The following CCSER2 variants were observed in gnomAD, a reference collection of about 807,000 sequenced individuals.
The protein encoded by CCSER2 is serine-rich coiled-coil domain-containing protein 2.
CCSER2 carries 46 observed loss-of-function variants against 92.3 expected under a neutral mutation model. The ratio of observed to expected loss-of-function variants is 0.50; its 90% confidence interval spans 0.39 to 0.64. The LOEUF is 0.64. Ranked by LOEUF, CCSER2 falls within the 30% of genes least tolerant of loss-of-function variation. The pLI, the probability that CCSER2 is intolerant of heterozygous loss-of-function variation, is 0.00. For missense variants in CCSER2, 1,244 were observed against 1,238.9 expected, an observed-to-expected ratio of 1.00 and a Z score of -0.06; for synonymous variants, 433 against 431.4, an observed-to-expected ratio of 1.00 and a Z score of -0.04.
intron 6 of CCSER2, among the ~76,000 whole-genome samples, chr10:84,451,508 T>C (rs780699431): frequency 6.6e-6 from 1 of 152,148 alleles, no homozygotes; most frequent in Non-Finnish European, 1.5e-5. Flanking sequence ...GAAAACTTAG[T>C]TTCTTATACT....
intron 1 of CCSER2, among the ~76,000 whole-genome samples, chr10:84,360,745 C>A (rs543322896): frequency 2.6e-5 from 4 of 152,266 alleles, no homozygotes; most frequent in African/African-American, 7.2e-5. Context: ...TTTCCTAAGG[C>A]CTTACCTTTG....
At chr10:84,487,775 A>G (rs1006081659) in intron 9 of CCSER2, among the ~76,000 whole-genome samples, 13 of 152,108 alleles carry the variant, frequency 8.5e-5, no homozygotes, top group African/African-American at 2.9e-4. Flanking sequence ...TTCCAACACT[A>G]TGTTGAATAG....
intron 1 of CCSER2, among the ~76,000 whole-genome samples, chr10:84,333,640 A>C (rs1305792929): frequency 2.6e-5 from 4 of 152,242 alleles, no homozygotes; most frequent in Non-Finnish European, 5.9e-5. Context: ...CAATGTGGCT[A>C]TATATTGAAT....
chr10:84,469,269 C>T (rs1338761945), intron 7 of CCSER2, among the ~76,000 whole-genome samples: 1 of 152,126 alleles, frequency 6.6e-6, no homozygotes, highest in Non-Finnish European at 1.5e-5. Context: ...ATGTATCTTT[C>T]ATGATCTGCA....
intron 1 of CCSER2, among the ~76,000 whole-genome samples, chr10:84,348,256 G>T (rs549577362): frequency 1.3e-5 from 2 of 152,214 alleles, no homozygotes; most frequent in East Asian, 3.9e-4. Context: ...CTGGAGACCC[G>T]CCCGGCCAAC....
At chr10:84,437,479 G>T (rs994354142) in intron 5 of CCSER2, among the ~76,000 whole-genome samples, 2 of 151,140 alleles carry the variant, frequency 1.3e-5, no homozygotes, top group African/African-American at 4.9e-5. Context: ...GTACCATTGC[G>T]CTCCAGCCTG....
At chr10:84,375,863 C>CTTT (rs532459199) in intron 3 of CCSER2, among the ~76,000 whole-genome samples, 1 of 135,068 alleles carries the variant, frequency 7.4e-6, no homozygotes. Context: ...GTTTCTTTTT[C>CTTT]TTTTTTTTTT....
intron 9 of CCSER2, among the ~76,000 whole-genome samples, chr10:84,509,466 A>G (rs1463361405): frequency 2.0e-5 from 3 of 152,196 alleles, no homozygotes; most frequent in South Asian, 4.1e-4. Flanking sequence ...GACATTTACA[A>G]TTATCATTAA....
chr10:84,349,081 A>G (rs1022232949), intron 1 of CCSER2, among the ~76,000 whole-genome samples: 2 of 152,078 alleles, frequency 1.3e-5, no homozygotes, highest in African/African-American at 4.8e-5. Context: ...AGTCACCTTT[A>G]TAGTATTTCT....
chr10:84,441,314 A>G (rs192126254), intron 6 of CCSER2, among the ~76,000 whole-genome samples: 1 of 152,150 alleles, frequency 6.6e-6, no homozygotes, highest in Non-Finnish European at 1.5e-5. Flanking sequence ...TATCTTGGCA[A>G]TCATATTTTC....
At chr10:84,477,763 C>A in intron 9 of CCSER2, 99 bp downstream of exon 9, 3 of 663,796 alleles carry the variant, frequency 4.5e-6, no homozygotes, top group South Asian at 4.2e-5. Flanking sequence ...TTGAATCTGT[C>A]ATGGCTGTTA....
intron 9 of CCSER2, among the ~76,000 whole-genome samples, chr10:84,489,649 G>A (rs574144150): frequency 1.3e-4 from 20 of 152,150 alleles, no homozygotes; most frequent in South Asian, 2.1e-4. Context: ...ACATGAGATC[G>A]GTCTCCTGAA....
intron 3 of CCSER2, among the ~76,000 whole-genome samples, chr10:84,400,208 A>T (rs1564629877): frequency 6.6e-6 from 1 of 152,140 alleles, no homozygotes; most frequent in Non-Finnish European, 1.5e-5. Flanking sequence ...TTGATATACA[A>T]GTTTTTAATT....
At chr10:84,380,893 C>T (rs954172944) in intron 3 of CCSER2, among the ~76,000 whole-genome samples, 5 of 152,104 alleles carry the variant, frequency 3.3e-5, no homozygotes, top group Non-Finnish European at 7.4e-5. Flanking sequence ...GATGGGGTTT[C>T]ACCGTGTTAG....
At chr10:84,499,912 G>A in intron 9 of CCSER2, 1 of 1,613,744 alleles carries the variant, frequency 6.2e-7, no homozygotes, top group South Asian at 1.1e-5. Context: ...CCTTGGCAGG[G>A]CTCCTTCCAG....
chr10:84,411,062 T>G (rs1251707032), intron 3 of CCSER2, among the ~76,000 whole-genome samples: 1 of 152,158 alleles, frequency 6.6e-6, no homozygotes, highest in Non-Finnish European at 1.5e-5. Context: ...TTGTGGAAAA[T>G]CATATGGTTA....
At chr10:84,470,100 A>G (rs1176284243) in intron 7 of CCSER2, among the ~76,000 whole-genome samples, 1 of 145,848 alleles carries the variant, frequency 6.9e-6, no homozygotes, top group Non-Finnish European at 1.5e-5. Flanking sequence ...CTACCTCAGG[A>G]GTGTGGGTAG....
Position 84,514,910 on chromosome 10 carries a change from ACATATAAAT to A in CCSER2, c.*646_*654del, listed in dbSNP as rs966941899. The A allele has an allele frequency of 6.5e-6, 1 of 152,734 alleles. No individual in the cohort carries two copies. Among genetic ancestry groups the A allele is most frequent in the Non-Finnish European group, 1.5e-5 (1 of 68,118 alleles). 9.5% of individuals were successfully genotyped at this position (152,734 alleles called of 1,614,324 possible). On this transcript the variant is annotated 3_prime_UTR_variant, in exon 10 of 10. Transcript: ENST00000372088. ...CCCCAGACTGAAAGTGTTTCTTATT[ACATATAAAT>A]CAGTTATATATTCCTTTACATCTTG... is the stretch of plus-strand genomic sequence containing the variant.
intron 3 of CCSER2, among the ~76,000 whole-genome samples, chr10:84,385,833 C>T (rs1388014013): frequency 6.6e-6 from 1 of 151,850 alleles, no homozygotes; most frequent in African/African-American, 2.4e-5. Context: ...TATTTCCAAA[C>T]CATGCATCTG....
Sources: allele counts gnomAD v4.1 joint callset (sites outside exome capture counted in the v4.1 genomes callset), GRCh38; gene constraint gnomAD v4.1.1; transcripts MANE v1.5; gene names NCBI Gene and HGNC (gene_info 2026-07-23, HGNC 2026-07-21).